Variants in CTNNBL1 observed in about 807,000 individuals in gnomAD.
The protein encoded by CTNNBL1 is catenin beta like 1, also known as beta-catenin-like protein 1.
A neutral mutation model predicts 72.7 loss-of-function variants in CTNNBL1; 31 were observed. The observed-to-expected ratio is 0.43, with a 90% CI of 0.32 to 0.58. The LOEUF (loss-of-function observed/expected upper bound fraction) is 0.58, where lower values mean the gene tolerates loss of function less well. CTNNBL1 is among the 20% of genes least tolerant of loss of function. CTNNBL1 has a pLI of 0.08. For missense variants in CTNNBL1, 534 were observed against 725.1 expected, an observed-to-expected ratio of 0.74 and a Z score of 3.03; for synonymous variants, 240 against 267.3, an observed-to-expected ratio of 0.90 and a Z score of 1.00.
At chr20:37,772,318 G>A (rs1397053477) in intron 7 of CTNNBL1, among the ~76,000 whole-genome samples, 2 of 152,258 alleles carry the variant, frequency 1.3e-5, no homozygotes, top group South Asian at 2.1e-4. Context: ...AAGTTGGAGT[G>A]GAGCCTGGTA....
intron 11 of CTNNBL1, among the ~76,000 whole-genome samples, chr20:37,806,971 A>C (rs919826452): frequency 1.1e-4 from 17 of 152,060 alleles, no homozygotes; most frequent in African/African-American, 4.1e-4. Flanking sequence ...GGTCCATCTT[A>C]TTTGATAAAG....
At chr20:37,732,704 G>A (rs1488127855) in intron 1 of CTNNBL1, among the ~76,000 whole-genome samples, 175 bp from the exon 2 acceptor site, 2 of 152,032 alleles carry the variant, frequency 1.3e-5, no homozygotes, top group Non-Finnish European at 1.5e-5. Flanking sequence ...GTCTTTTTTT[G>A]TATTTTTTGT....
chr20:37,705,251 G>A (rs893910242), intron 1 of CTNNBL1, among the ~76,000 whole-genome samples: 2 of 152,104 alleles, frequency 1.3e-5, no homozygotes, highest in African/African-American at 4.8e-5. Flanking sequence ...CTTTAAAATA[G>A]AGATTGTATA....
Position 37,812,863 on chromosome 20 carries a change from G to A in CTNNBL1, c.1213+9815G>A, listed in dbSNP as rs1030896068. 5.3e-5 allele frequency among the ~76,000 whole-genome samples: 8 copies of A among 152,316 alleles called. No individual in the cohort carries two copies. The East Asian group carries it at 7.7e-4, about 15-fold the overall frequency. ...AAAGATGTAGAAGGAAGTATGAGGC[G>A]CTGTGGGAGCACAGGAGGGGCTCCC... On this transcript the variant is annotated intron_variant, in intron 11 of 15. Transcript: ENST00000361383.
chr20:37,791,400 G>T (rs1409668214), intron 10 of CTNNBL1, among the ~76,000 whole-genome samples: 2 of 152,208 alleles, frequency 1.3e-5, no homozygotes, highest in African/African-American at 2.4e-5. Context: ...ACATGGAGCA[G>T]TATAGTCAGT....
chr20:37,835,240 T>C (rs781620058), intron 11 of CTNNBL1, among the ~76,000 whole-genome samples: 6 of 152,210 alleles, frequency 3.9e-5, no homozygotes, highest in Non-Finnish European at 7.3e-5. Context: ...TCCATTGGCT[T>C]TCCTGGGCCT....
At position 37,760,999 on chromosome 20, in the gene CTNNBL1, AAAAG is replaced by A. The variant is rs1389265165; in HGVS notation, c.564+3344_564+3347del. On this transcript the variant is annotated intron_variant, in intron 5 of 15. Coordinates refer to ENST00000361383, the MANE Select transcript of CTNNBL1 (RefSeq NM_030877.5). The stretch of plus-strand genomic sequence containing the variant: ...TAGAGCTTTAGTTTAAAAAAAAAAA[AAAAG>A]GAAGAAGTAAGTAATGATAATACAA... Among the ~76,000 whole-genome samples, 12 of 152,314 alleles carry A rather than the reference AAAAG, an allele frequency of 7.9e-5. No homozygotes were observed. The East Asian group carries it at 2.3e-3, about 29-fold the overall frequency.
rs528021212 is a variant in CTNNBL1 at position 37,836,623 on chromosome 20, T to G, written c.1214-3479T>G. ...CTCAGTAATGGAACTTGTTACACAG[T>G]GCTATAATTGTTTTGTTTTCTTCAC... On this transcript the variant is annotated intron_variant, in intron 11 of 15. Transcript: ENST00000361383. 5.9e-5 allele frequency among the ~76,000 whole-genome samples: 9 copies of G among 152,298 alleles called. No individual in the cohort carries two copies. The East Asian group carries it at 1.2e-3, about 20-fold the overall frequency.
At position 37,793,399 on chromosome 20, in the gene CTNNBL1, C is replaced by T. The variant is rs7273920; in HGVS notation, c.1032-9468C>T. Among the ~76,000 whole-genome samples the T allele has an allele frequency of 7.5e-3, 1,141 of 152,154 alleles. 10 individuals are homozygous for T. The highest frequency in any genetic ancestry group is 0.026 in the African/African-American group (1,063 of 41,506). On this transcript the variant is annotated intron_variant, in intron 10 of 15. Transcript: ENST00000361383. ...AACTTTCTTTATCCCTGGTAATGTT[C>T]TTTGATCTGAAATCTACTTTGTTTT...
chr20:37,718,020 C>T (rs2073002614), intron 1 of CTNNBL1, among the ~76,000 whole-genome samples: 1 of 152,210 alleles, frequency 6.6e-6, no homozygotes, highest in African/African-American at 2.4e-5. Flanking sequence ...TCTACACAGA[C>T]ACAGCAACCA....
chr20:37,838,108 C>T (rs895311957), intron 11 of CTNNBL1, among the ~76,000 whole-genome samples: 1 of 152,122 alleles, frequency 6.6e-6, no homozygotes, highest in South Asian at 2.1e-4. Flanking sequence ...TAATCTGCCG[C>T]GGAACATTTC....
chr20:37,726,512 A>AAG (rs1201889134), intron 1 of CTNNBL1, among the ~76,000 whole-genome samples: 2 of 152,046 alleles, frequency 1.3e-5, no homozygotes, highest in African/African-American at 4.8e-5. Context: ...TATTAATATA[A>AAG]AGAGAGAGAG....
chr20:37,743,770 G>A (rs574795117), intron 3 of CTNNBL1, among the ~76,000 whole-genome samples: 112 of 152,100 alleles, frequency 7.4e-4, no homozygotes, highest in African/African-American at 2.3e-3. Context: ...CCAAACATTT[G>A]CAGAAAATAA....
intron 1 of CTNNBL1, among the ~76,000 whole-genome samples, chr20:37,727,029 T>C (rs1374896922): frequency 1.3e-5 from 2 of 152,170 alleles, no homozygotes; most frequent in South Asian, 2.1e-4. Flanking sequence ...GTTGCTTTCA[T>C]AGTGGAGTTT....
At chr20:37,719,261 A>C (rs946379594) in intron 1 of CTNNBL1, among the ~76,000 whole-genome samples, 8 of 152,156 alleles carry the variant, frequency 5.3e-5, no homozygotes, top group African/African-American at 1.9e-4. Flanking sequence ...AACTTGGAGA[A>C]TTTGCATACA....
intron 13 of CTNNBL1, among the ~76,000 whole-genome samples, chr20:37,847,517 G>C (rs1432089380): frequency 1.3e-5 from 2 of 152,136 alleles, no homozygotes; most frequent in Admixed American, 6.5e-5. Context: ...GATTTCACCT[G>C]ACTCTCCGAA....
At chr20:37,852,568 C>A (rs1211934094) in intron 13 of CTNNBL1, among the ~76,000 whole-genome samples, 1 of 152,160 alleles carries the variant, frequency 6.6e-6, no homozygotes, top group Non-Finnish European at 1.5e-5. Context: ...TACCCATACG[C>A]AGGTAGAAAT....
At position 37,741,410 on chromosome 20, in the gene CTNNBL1, A is replaced by G. The variant is rs559937174; in HGVS notation, c.326+3926A>G. 3.9e-5 allele frequency among the ~76,000 whole-genome samples: 6 copies of G among 152,332 alleles called. No homozygotes were observed. In the South Asian group the frequency reaches 1.2e-3, roughly 32 times the overall value. On this transcript the variant is annotated intron_variant, in intron 3 of 15. Coordinates refer to ENST00000361383, the MANE Select transcript of CTNNBL1 (RefSeq NM_030877.5). Reference sequence around the variant, plus strand: ...CCAGCTATTATTAGGCACTGTATATATATTATCTCTTTTAATCCTCACTAT... The same window carrying G: ...CCAGCTATTATTAGGCACTGTATATGTATTATCTCTTTTAATCCTCACTAT...
intron 7 of CTNNBL1, among the ~76,000 whole-genome samples, chr20:37,775,241 A>G (rs1363039575): frequency 1.3e-5 from 2 of 152,346 alleles, no homozygotes; most frequent in Non-Finnish European, 2.9e-5. Context: ...TCCTAATGGT[A>G]TGTGTGCCTT....
Sources: allele counts gnomAD v4.1 joint callset (sites outside exome capture counted in the v4.1 genomes callset), GRCh38; gene constraint gnomAD v4.1.1; transcripts MANE v1.5; gene names NCBI Gene and HGNC (gene_info 2026-07-23, HGNC 2026-07-21).